BCAM: variants seen among roughly 807,000 people sequenced by gnomAD.
The protein encoded by BCAM is basal cell adhesion molecule.
A neutral mutation model predicts 72.4 loss-of-function variants in BCAM; 61 were observed. That is an observed-to-expected ratio of 0.84 (90% CI 0.69 to 1.04). The LOEUF is 1.04. Ranked by LOEUF, BCAM falls within the 50% of genes least tolerant of loss-of-function variation. The pLI, the probability that BCAM is intolerant of heterozygous loss-of-function variation, is 0.00. For missense variants in BCAM, 909 were observed against 895.0 expected (o/e 1.02, Z -0.20); for synonymous variants, 408 against 384.2 (o/e 1.06, Z -0.73).
chr19:44,818,956 T>C lies in BCAM; in HGVS notation c.1336+74T>C. On this transcript the variant is annotated intron_variant, in intron 10 of 14. Transcript: ENST00000270233. This position sits in a 1 kb window ranked among gnomAD's most constrained non-coding sequence, Gnocchi z 4.6. Reference sequence around the variant, plus strand: ...GTGGGACCTGGACAAACAGGACGAGTTCCTGAGTCCCTGGCTGGGGACTCC... The same window carrying C: ...GTGGGACCTGGACAAACAGGACGAGCTCCTGAGTCCCTGGCTGGGGACTCC... The C allele has an allele frequency of 6.3e-7, 1 of 1,596,660 alleles. No homozygotes were observed. Among genetic ancestry groups the C allele is most frequent in the Non-Finnish European group, 8.5e-7 (1 of 1,169,986 alleles).
In BCAM at chr19:44,819,489, C is replaced by T. The variant is rs141886629; in HGVS notation, c.1617C>T (p.Thr539=). The T allele has an allele frequency of 1.6e-4, 263 of 1,613,848 alleles. No individual in the cohort carries two copies. In the African/African-American group the frequency reaches 2.0e-3, roughly 12 times the overall value. The stretch of plus-strand genomic sequence containing the variant: ...AGCGCCATGTCTTCCACTTCGGCAC[C>T]GGTGAGTGACTGAGGTGGTGGCAGA... ...GNKRHVFHFG[T]VSPQTSQAGV... Residue 539 remains threonine (T), a splice_region_variant and synonymous_variant, in exon 12 of 15, where the codon ACC becomes ACT. Coordinates refer to ENST00000270233, the MANE Select transcript of BCAM (RefSeq NM_005581.5).
Position 44,818,535 on chromosome 19 carries a change from G to A in BCAM, c.1092G>A (p.Leu364=). 6.2e-7 allele frequency: 1 copy of A among 1,613,854 alleles called. No individual in the cohort carries two copies. Among genetic ancestry groups the A allele is most frequent in the Non-Finnish European group, 8.5e-7 (1 of 1,179,864 alleles). Residue 364 remains leucine, a synonymous_variant, in exon 9 of 15, where the codon CTG becomes CTA. Coordinates refer to ENST00000270233, the MANE Select transcript of BCAM (RefSeq NM_005581.5). This position sits in a 1 kb window ranked among gnomAD's most constrained non-coding sequence, Gnocchi z 4.6. ...CCCCCACTGCAGATCTGGACCCCCTGGAGCTCAGCGAGGGGAAGGTGCTTT... is the reference window on the plus strand; with the variant it reads ...CCCCCACTGCAGATCTGGACCCCCTAGAGCTCAGCGAGGGGAAGGTGCTTT... ...LELRVAYLDP[L]ELSEGKVLSL...
intron 2 of BCAM, chr19:44,811,657 C>T (rs374906369): frequency 4.4e-5 from 15 of 340,826 alleles, no homozygotes; most frequent in East Asian, 2.9e-4. Flanking sequence ...GAGGCCGAGG[C>T]GGGTGGATCA....
rs1487453768 is a variant in BCAM at position 44,809,166 on chromosome 19, G to A, written c.42G>A (p.Pro14=). 6.8e-7 allele frequency: 1 copy of A among 1,465,336 alleles called. No homozygotes were observed. 90.8% of individuals were successfully genotyped at this position (1,465,336 alleles called of 1,614,324 possible). The change falls in exon 1 of 15, where the codon CCG becomes CCA. Residue 14 remains proline (P), a synonymous_variant. Transcript: ENST00000270233. ...PDAPAQARGA[P]RLLLLAVLLA... ...CACCGGCCCAGGCGCGCGGGGCCCCGCGGCTGCTGTTGCTCGCAGTCCTGC... is the reference window on the plus strand; with the variant it reads ...CACCGGCCCAGGCGCGCGGGGCCCCACGGCTGCTGTTGCTCGCAGTCCTGC...
chr19:44,810,163 A>G (rs1263826661), intron 1 of BCAM, among the ~76,000 whole-genome samples: 1 of 152,136 alleles, frequency 6.6e-6, no homozygotes, highest in Non-Finnish European at 1.5e-5. Context: ...CCAGGATGCC[A>G]GCCCAGAGGG....
chr19:44,820,308 C>T, intron 13 of BCAM: 1 of 1,034,832 alleles, frequency 9.7e-7, no homozygotes, highest in Non-Finnish European at 1.2e-6. Flanking sequence ...CCGAAGCCAA[C>T]TTCACCCATG....
At chr19:44,811,498 T>C in intron 2 of BCAM, 152 bp downstream of exon 2, 1 of 1,334,508 alleles carries the variant, frequency 7.5e-7, no homozygotes, top group Non-Finnish European at 1.0e-6. Flanking sequence ...GGAAGGGATC[T>C]GCAAGGTGCC....
intron 2 of BCAM, 95 bp downstream of exon 2, chr19:44,811,441 C>CA: frequency 6.4e-7 from 1 of 1,567,066 alleles, no homozygotes; most frequent in East Asian, 2.3e-5. Flanking sequence ...AGAGATCCAC[C>CA]AAGCCACACT....
At chr19:44,820,120 A>C in intron 13 of BCAM, 1 of 1,018,186 alleles carries the variant, frequency 9.8e-7, no homozygotes, top group Non-Finnish European at 1.2e-6. Flanking sequence ...AACCCCCTTC[A>C]AACCATCCTC....
intron 11 of BCAM, 61 bp from the exon 12 acceptor site, chr19:44,819,285 C>G: frequency 6.2e-7 from 1 of 1,612,032 alleles, no homozygotes; most frequent in Non-Finnish European, 8.5e-7. Flanking sequence ...ACGTCGTTCA[C>G]CTCTGCCCTT....
rs979776206 is a variant in BCAM at position 44,819,713 on chromosome 19, G to A, written c.1750G>A (p.Glu584Lys). Residue 584 changes from glutamate (E) to lysine (K), a missense_variant, in exon 13 of 15, where the codon GAG becomes AAG. Coordinates refer to ENST00000270233, the MANE Select transcript of BCAM (RefSeq NM_005581.5). The part of the protein sequence containing the change: ...KGGPCCRQRR[E>K]KGAPPPGEPG... ...GGGCCCCTGCTGCCGCCAGCGGCGGGAGAAGGGGGCTCCGTGAGTGGCCTG... is the reference window on the plus strand; with the variant it reads ...GGGCCCCTGCTGCCGCCAGCGGCGGAAGAAGGGGGCTCCGTGAGTGGCCTG... The A allele has an allele frequency of 4.4e-6, 7 of 1,604,792 alleles. No individual in the cohort carries two copies. The African/African-American group carries it at 9.4e-5, about 22-fold the overall frequency.
Position 44,813,774 on chromosome 19 carries a change from C to G in BCAM, c.784+154C>G. 1 of 1,118,240 alleles carries G rather than the reference C, an allele frequency of 8.9e-7. No homozygotes were observed. Among genetic ancestry groups the G allele is most frequent in the East Asian group, 2.6e-5 (1 of 38,472 alleles). 69.3% of individuals were successfully genotyped at this position (1,118,240 alleles called of 1,614,324 possible). Reference sequence around the variant, plus strand: ...CTAGTGCTGGCCACTGACCTCTGACCTCAATTGGTCGCACAAGCCCCATCC... The same window carrying G: ...CTAGTGCTGGCCACTGACCTCTGACGTCAATTGGTCGCACAAGCCCCATCC... On this transcript the variant is annotated intron_variant, in intron 6 of 14. Transcript: ENST00000270233. This position sits in a 1 kb window ranked among gnomAD's most constrained non-coding sequence, Gnocchi z 4.2.
Position 44,812,931 on chromosome 19 carries a change from C to T in BCAM, c.505-319C>T, listed in dbSNP as rs1965638099. Reference sequence around the variant, plus strand: ...CACCACTGCACTCCAGCCTGGGCCACAGAGCAATACTCCGTCTCAAAAAAA... The same window carrying T: ...CACCACTGCACTCCAGCCTGGGCCATAGAGCAATACTCCGTCTCAAAAAAA... On this transcript the variant is annotated intron_variant, in intron 4 of 14. Coordinates refer to ENST00000270233, the MANE Select transcript of BCAM (RefSeq NM_005581.5). This position sits in a 1 kb window ranked among gnomAD's most constrained non-coding sequence, Gnocchi z 5.3. The T allele has an allele frequency of 5.5e-6, 2 of 364,718 alleles. No individual in the cohort carries two copies. The highest frequency in any genetic ancestry group is 9.6e-6 in the Non-Finnish European group (2 of 208,698). The allele number at this position is 364,718 out of a possible 1,614,324, so 22.6% of individuals were successfully genotyped here. A position where few individuals can be genotyped will look rare whatever the true frequency, so the allele number is the denominator to read the frequency against.
In BCAM at chr19:44,813,933, G is replaced by A. The variant is rs8101274; in HGVS notation, c.785-219G>A. On this transcript the variant is annotated intron_variant, in intron 6 of 14. Coordinates refer to ENST00000270233, the MANE Select transcript of BCAM (RefSeq NM_005581.5). The surrounding 1 kb of genome is among the most constrained non-coding windows in gnomAD (Gnocchi z 4.2). ...GCTCCAAGTCTCACACTGACCCATC[G>A]CCCATACGGACCTCTGACTCTTGAC... 0.039 allele frequency among the ~76,000 whole-genome samples: 5,896 copies of A among 152,134 alleles called. 303 individuals are homozygous for A. The highest frequency in any genetic ancestry group is 0.13 in the East Asian group (666 of 5,170).
At chr19:44,809,853 AGGAGGCCGGGGGCT>A (rs566903137) in intron 1 of BCAM, among the ~76,000 whole-genome samples, 2,868 of 26,060 alleles carry the variant, frequency 0.11, 39 homozygotes, top group Admixed American at 0.15. Context: ...ATAGAAGGAG[AGGAGGCCGGGGGCT>A]GGGGGGTGGG....
intron 10 of BCAM, 36 bp from the exon 11 acceptor site, chr19:44,819,020 C>CT (rs1568574394): frequency 6.2e-7 from 1 of 1,610,606 alleles, no homozygotes; most frequent in Admixed American, 1.7e-5. Context: ...TCTCTCTCCT[C>CT]TCCCTTCACT....
At chr19:44,810,097 G>A (rs1353927762) in intron 1 of BCAM, among the ~76,000 whole-genome samples, 2 of 152,102 alleles carry the variant, frequency 1.3e-5, no homozygotes, top group Non-Finnish European at 1.5e-5. Flanking sequence ...GGGTAGGGCT[G>A]GGCCAGATTG....
rs142529933 is a variant in BCAM at position 44,819,673 on chromosome 19, C to T, written c.1710C>T (p.Cys570=). 24 of 1,613,118 alleles carry T rather than the reference C, an allele frequency of 1.5e-5. No individual in the cohort carries two copies. Among genetic ancestry groups the T allele is most frequent in the Middle Eastern group, 1.7e-4 (1 of 6,044 alleles). The change falls in exon 13 of 15, where the codon TGC becomes TGT. Residue 570 remains cysteine, a synonymous_variant. Transcript: ENST00000270233. ...LLLLVVAVFY[C]VRRKGGPCCR... ...TCCTCGTCGTTGCTGTCTTCTACTG[C>T]GTGAGACGCAAAGGGGGCCCCTGCT...
Position 44,814,382 on chromosome 19 carries a change from G to T in BCAM, c.921+94G>T. The stretch of plus-strand genomic sequence containing the variant: ...ATAACTTCTAATGTGGGACCTGGGA[G>T]TCCCCATGGCTTAGGCAGCCACCTG... On this transcript the variant is annotated intron_variant, in intron 7 of 14. Coordinates refer to ENST00000270233, the MANE Select transcript of BCAM (RefSeq NM_005581.5). This position sits in a 1 kb window ranked among gnomAD's most constrained non-coding sequence, Gnocchi z 4.6. The T allele has an allele frequency of 6.7e-7, 1 of 1,503,376 alleles. No homozygotes were observed. Among genetic ancestry groups the T allele is most frequent in the Non-Finnish European group, 8.8e-7 (1 of 1,130,310 alleles). The allele number at this position is 1,503,376 out of a possible 1,614,324, so 93.1% of individuals were successfully genotyped here.
Sources: allele counts gnomAD v4.1 joint callset (sites outside exome capture counted in the v4.1 genomes callset), GRCh38; gene constraint gnomAD v4.1.1; non-coding constraint Gnocchi (gnomAD v3.1); transcripts MANE v1.5; gene names NCBI Gene and HGNC (gene_info 2026-07-23, HGNC 2026-07-21).